The following ADAMTS9 variants were observed in gnomAD, a reference collection of about 807,000 sequenced individuals.
ADAMTS9 encodes the protein ADAM metallopeptidase with thrombospondin type 1 motif 9, also known as A disintegrin and metalloproteinase with thrombospondin motifs 9.
ADAMTS9 carries 107 observed loss-of-function variants against 257.1 expected under a neutral mutation model. The observed-to-expected ratio is 0.42, with a 90% confidence interval of 0.36 to 0.49. The LOEUF is 0.49. Among genes scored for constraint, ADAMTS9 ranks in the 20% least tolerant of loss-of-function variants. The pLI, the probability that ADAMTS9 is intolerant of heterozygous loss-of-function variation, is 0.03. For missense variants in ADAMTS9, 2,353 were observed against 2,469.1 expected, an observed-to-expected ratio of 0.95 and a Z score of 1.00; for synonymous variants, 982 against 880.9, an observed-to-expected ratio of 1.11 and a Z score of -2.03.
chr3:64,612,354 AG>A (rs1009937174), intron 22 of ADAMTS9, among the ~76,000 whole-genome samples: 1 of 152,214 alleles, frequency 6.6e-6, no homozygotes, highest in Admixed American at 6.5e-5. Flanking sequence ...ATTCCCTAAA[AG>A]TTATGCAGAT....
chr3:64,681,402 C>T (rs573251329), intron 2 of ADAMTS9, 39 bp from the exon 3 acceptor site: 8 of 1,576,440 alleles, frequency 5.1e-6, no homozygotes, highest in Middle Eastern at 1.7e-4. Context: ...TTTAACGTAA[C>T]TCAGTCATTG....
intron 11 of ADAMTS9, among the ~76,000 whole-genome samples, chr3:64,643,936 A>G (rs1700723853): frequency 6.6e-6 from 1 of 152,182 alleles, no homozygotes; most frequent in Non-Finnish European, 1.5e-5. Flanking sequence ...ACTTAACAAA[A>G]TACAACAGGT....
At chr3:64,525,565 G>A (rs1309924921) in intron 38 of ADAMTS9, among the ~76,000 whole-genome samples, 1 of 152,052 alleles carries the variant, frequency 6.6e-6, no homozygotes, top group African/African-American at 2.4e-5. Flanking sequence ...AAAAAAGGAA[G>A]ATGAATACAA....
intron 28 of ADAMTS9, among the ~76,000 whole-genome samples, chr3:64,572,489 G>A (rs1434065375): frequency 6.6e-5 from 10 of 152,122 alleles, no homozygotes; most frequent in Non-Finnish European, 1.2e-4. Flanking sequence ...CCCCACATTG[G>A]TCCTTTCACT....
At chr3:64,634,602 C>T (rs1476775397) in intron 12 of ADAMTS9, among the ~76,000 whole-genome samples, 1 of 152,172 alleles carries the variant, frequency 6.6e-6, no homozygotes, top group Admixed American at 6.5e-5. Flanking sequence ...ATGTATATTC[C>T]AGATGTGATC....
chr3:64,679,019 G>A (rs571766305), intron 3 of ADAMTS9, among the ~76,000 whole-genome samples: 1 of 152,224 alleles, frequency 6.6e-6, no homozygotes, highest in African/African-American at 2.4e-5. Flanking sequence ...TGATTTGGAA[G>A]GTGGTAATTA....
intron 28 of ADAMTS9, among the ~76,000 whole-genome samples, chr3:64,582,029 G>A (rs144829272): frequency 1.3e-5 from 2 of 152,278 alleles, no homozygotes; most frequent in African/African-American, 4.8e-5. Flanking sequence ...AAAGAATTGA[G>A]ATTGATTTTC....
intron 3 of ADAMTS9, among the ~76,000 whole-genome samples, chr3:64,664,838 G>A (rs574580925): frequency 6.6e-6 from 1 of 152,288 alleles, no homozygotes; most frequent in East Asian, 1.9e-4. Flanking sequence ...ACATTTTGAA[G>A]AACTGCCAAA....
chr3:64,630,988 A>C (rs56216557), intron 16 of ADAMTS9, among the ~76,000 whole-genome samples: 34,539 of 152,082 alleles, frequency 0.23, 4,364 homozygotes, highest in Non-Finnish European at 0.27. Context: ...CACCATAGAA[A>C]CTTTTGCAAC....
At chr3:64,606,142 C>A (rs1425674877) in intron 23 of ADAMTS9, among the ~76,000 whole-genome samples, 1 of 152,312 alleles carries the variant, frequency 6.6e-6, no homozygotes, top group East Asian at 1.9e-4. Context: ...GAATCAGATA[C>A]CTTTCAGATA....
intron 12 of ADAMTS9, among the ~76,000 whole-genome samples, chr3:64,638,584 T>C (rs1419552755): frequency 6.6e-6 from 1 of 152,122 alleles, no homozygotes; most frequent in Non-Finnish European, 1.5e-5. Context: ...CTGTAGGGCA[T>C]GGATCAAAAT....
chr3:64,663,029 C>G (rs145798541), intron 3 of ADAMTS9, among the ~76,000 whole-genome samples: 2 of 152,112 alleles, frequency 1.3e-5, no homozygotes, highest in East Asian at 3.9e-4. Flanking sequence ...TATGTATATG[C>G]AAGCATCCTA....
At chr3:64,576,655 A>C (rs1441553363) in intron 28 of ADAMTS9, among the ~76,000 whole-genome samples, 5 of 152,208 alleles carry the variant, frequency 3.3e-5, no homozygotes, top group Non-Finnish European at 7.4e-5. Context: ...TGAGATTGGC[A>C]GGGAACACCA....
chr3:64,539,729 G>T (rs575872567), intron 36 of ADAMTS9, among the ~76,000 whole-genome samples: 1 of 152,186 alleles, frequency 6.6e-6, no homozygotes, highest in African/African-American at 2.4e-5. Flanking sequence ...ACTTAGGAGC[G>T]ATTCCCTGAG....
chr3:64,631,178 A>G (rs1700359478), intron 16 of ADAMTS9, among the ~76,000 whole-genome samples: 1 of 152,224 alleles, frequency 6.6e-6, no homozygotes, highest in Admixed American at 6.5e-5. Context: ...CTTAGAGGAT[A>G]AGTACTTTCA....
At chr3:64,633,067 G>C (rs78468732) in intron 14 of ADAMTS9, among the ~76,000 whole-genome samples, 1 of 152,182 alleles carries the variant, frequency 6.6e-6, no homozygotes, top group Non-Finnish European at 1.5e-5. Flanking sequence ...AAACTTGAGT[G>C]AGGCCAGCTC....
Position 64,686,164 on chromosome 3 carries a change from G to C in ADAMTS9, c.516+404C>G, listed in dbSNP as rs908405843. ...CCTCAGCCCCACATCCCCGATGCAAGGCGCACCAATAAGGAGTCTGGTCCG... is the reference window on the plus strand; with the variant it reads ...CCTCAGCCCCACATCCCCGATGCAACGCGCACCAATAAGGAGTCTGGTCCG... On this transcript the variant is annotated intron_variant, in intron 2 of 39. Transcript: ENST00000498707. This position sits in a 1 kb window ranked among gnomAD's most constrained non-coding sequence, Gnocchi z 4.6. Among the ~76,000 whole-genome samples, 1 of 152,214 alleles carries C rather than the reference G, an allele frequency of 6.6e-6. No homozygotes were observed. The highest frequency in any genetic ancestry group is 2.4e-5 in the African/African-American group (1 of 41,474).
intron 36 of ADAMTS9, 43 bp downstream of exon 36, chr3:64,541,052 G>T (rs1559753767): frequency 6.2e-7 from 1 of 1,609,432 alleles, no homozygotes; most frequent in Admixed American, 1.7e-5. Context: ...TCTGAATGGA[G>T]AGAAGAACGC....
Position 64,661,343 on chromosome 3 carries a change from C to T in ADAMTS9, c.680-2552G>A, listed in dbSNP as rs1251275929. On this transcript the variant is annotated intron_variant, in intron 3 of 39. Transcript: ENST00000498707. ...CAATATATGCATACCAGGACCAAAT[C>T]AATTGTTAAATCATCAAATGAATGT... Among the ~76,000 whole-genome samples, 55 of 146,922 alleles carry T rather than the reference C, an allele frequency of 3.7e-4. 2 individuals carry two copies. Among genetic ancestry groups the T allele is most frequent in the Non-Finnish European group, 3.0e-5 (2 of 67,578 alleles).
Sources: gnomAD v4.1 joint callset for allele counts (sites outside exome capture counted in the v4.1 genomes callset) on GRCh38, gnomAD v4.1.1 for gene constraint, Gnocchi (gnomAD v3.1) non-coding constraint, MANE v1.5 for transcripts, NCBI Gene and HGNC (gene_info 2026-07-23, HGNC 2026-07-21) for gene names.